HIVEP3: variants seen among roughly 807,000 people sequenced by gnomAD.
The protein encoded by HIVEP3 is transcription factor HIVEP3.
In HIVEP3, 49 loss-of-function variants were observed where a neutral mutation model predicts 152.8. That is an observed-to-expected ratio of 0.32 (90% CI 0.26 to 0.41). The LOEUF is 0.41. Among genes scored for constraint, HIVEP3 ranks in the 10% least tolerant of loss-of-function variants. HIVEP3 has a pLI of 1.00. For missense variants in HIVEP3, 2,790 were observed against 3,103.3 expected, an observed-to-expected ratio of 0.90 and a Z score of 2.40; for synonymous variants, 1,269 against 1,289.0, an observed-to-expected ratio of 0.98 and a Z score of 0.33.
At chr1:41,701,592 A>G (rs2124129261) in intron 1 of HIVEP3, among the ~76,000 whole-genome samples, 1 of 152,328 alleles carries the variant, frequency 6.6e-6, no homozygotes, top group South Asian at 2.1e-4. Context: ...GCAGGATGGC[A>G]GAATGTTTCT....
At chr1:41,745,097 C>T (rs974477203) in intron 1 of HIVEP3, among the ~76,000 whole-genome samples, 6 of 152,328 alleles carry the variant, frequency 3.9e-5, no homozygotes, top group African/African-American at 1.4e-4. Flanking sequence ...TCCTTTCCCT[C>T]AGTTTCTTCT....
rs1325602031 is a variant in HIVEP3 at position 41,580,115 on chromosome 1, A to G, written c.4683T>C (p.Asp1561=). ...VKKEDSKEQP[D]LPSLAPPSSL... ...AGCTCGGAGGTGCCAAGGAGGGGAG[A>G]TCAGGTTGTTCCTTGGAATCTTCTT... The change falls in exon 4 of 9, where the codon GAT becomes GAC. Residue 1561 remains aspartate (D), a synonymous_variant. Coordinates refer to ENST00000372583, the MANE Select transcript of HIVEP3 (RefSeq NM_024503.5). 1.9e-6 allele frequency: 3 copies of G among 1,614,128 alleles called. No individual in the cohort carries two copies. The East Asian group carries it at 6.7e-5, about 36-fold the overall frequency.
At position 41,510,303 on chromosome 1, in the gene HIVEP3, T is replaced by TTAA; in HGVS notation, c.*147_*148insTTA. The stretch of plus-strand genomic sequence containing the variant: ...GTAGAAAAAGGCACAGGTAACTGCA[T>TTAA]ACATGGGAAGGTACAACAGATGGGG... On this transcript the variant is annotated 3_prime_UTR_variant, in exon 9 of 9. Transcript: ENST00000372583. The TTAA allele has an allele frequency of 1.8e-6, 1 of 543,110 alleles. No homozygotes were observed. The highest frequency in any genetic ancestry group is 3.0e-6 in the Non-Finnish European group (1 of 338,632). The allele number at this position is 543,110 out of a possible 1,614,324, so 33.6% of individuals were successfully genotyped here. A position where few individuals can be genotyped will look rare whatever the true frequency, so the allele number is the denominator to read the frequency against.
At chr1:41,668,670 A>T (rs1255460474) in intron 2 of HIVEP3, among the ~76,000 whole-genome samples, 7 of 151,930 alleles carry the variant, frequency 4.6e-5, no homozygotes, top group African/African-American at 1.7e-4. Flanking sequence ...TCCCCTGTAA[A>T]TTCTCTTTGC....
rs569272583 is a variant in HIVEP3, at chr1:41,582,527, T to C, written c.2271A>G (p.Pro757=). ...AGGGCACTGATTTACTTGGTTCTGC[T>C]GGTGACTTGGTGGACTCCAGGGGAA... is the stretch of plus-strand genomic sequence containing the variant. The part of the protein sequence containing the change: ...RNLPLESTKS[P]AEPSKSVPSL... Residue 757 remains proline (P), a synonymous_variant, in exon 4 of 9, where the codon CCA becomes CCG. Transcript: ENST00000372583. This position sits in a 1 kb window ranked among gnomAD's most constrained non-coding sequence, Gnocchi z 4.7. The C allele has an allele frequency of 1.5e-5, 24 of 1,611,506 alleles. No homozygotes were observed. In the South Asian group the frequency reaches 2.6e-4, roughly 18 times the overall value.
chr1:41,691,335 GA>G (rs1255407948), intron 2 of HIVEP3, among the ~76,000 whole-genome samples: 1 of 152,084 alleles, frequency 6.6e-6, no homozygotes, highest in Non-Finnish European at 1.5e-5. Context: ...AAGAAGAAGA[GA>G]AAAAAATCCT....
At chr1:41,810,733 A>G (rs533925162) in intron 1 of HIVEP3, among the ~76,000 whole-genome samples, 41 of 152,342 alleles carry the variant, frequency 2.7e-4, no homozygotes, top group African/African-American at 8.7e-4. Context: ...GAGTTTATAT[A>G]TGGTTACAGT....
intron 1 of HIVEP3, among the ~76,000 whole-genome samples, chr1:41,955,584 C>T (rs967866094): frequency 2.0e-5 from 3 of 152,212 alleles, no homozygotes; most frequent in African/African-American, 7.2e-5. Context: ...AGGGCACATC[C>T]TGAAAGGGGA....
At chr1:42,029,805 T>G (rs1038697504) in intron 1 of HIVEP3, among the ~76,000 whole-genome samples, 17 of 152,316 alleles carry the variant, frequency 1.1e-4, no homozygotes, top group African/African-American at 3.8e-4. Flanking sequence ...CATTTTTGTA[T>G]GCATATTACA....
At position 41,882,020 on chromosome 1, in the gene HIVEP3, T is replaced by C. The variant is rs188801943; in HGVS notation, c.-801+36393A>G. ...ATCCTAAGGAAAGTCCATTTTCTCA[T>C]AGGGGCAGTCAGTATATTTTTATCT... On this transcript the variant is annotated intron_variant, in intron 1 of 8. Coordinates refer to ENST00000372583, the MANE Select transcript of HIVEP3 (RefSeq NM_024503.5). 6.7e-3 allele frequency among the ~76,000 whole-genome samples: 1,027 copies of C among 152,338 alleles called. 13 individuals are homozygous for C. The highest frequency in any genetic ancestry group is 0.024 in the African/African-American group (1,000 of 41,588).
At chr1:41,528,331 ACT>A (rs1300590535) in intron 5 of HIVEP3, among the ~76,000 whole-genome samples, 1 of 48,412 alleles carries the variant, frequency 2.1e-5, no homozygotes, top group African/African-American at 8.6e-5. Context: ...ACACCCCCAC[ACT>A]CACACTCGCC....
intron 1 of HIVEP3, among the ~76,000 whole-genome samples, chr1:41,840,696 C>T (rs545170334): frequency 5.9e-5 from 9 of 152,170 alleles, no homozygotes; most frequent in Non-Finnish European, 1.2e-4. Context: ...GGATATTAAC[C>T]CCTGGCCAGT....
intron 5 of HIVEP3, among the ~76,000 whole-genome samples, chr1:41,539,893 CT>C (rs1643486281): frequency 6.6e-6 from 1 of 152,180 alleles, no homozygotes; most frequent in African/African-American, 2.4e-5. Context: ...GTAGTAGGCA[CT>C]TTTTACAGAA....
chr1:41,919,704 G>A (rs554357632), upstream of HIVEP3, among the ~76,000 whole-genome samples: 17 of 152,260 alleles, frequency 1.1e-4, no homozygotes, highest in Admixed American at 6.5e-4. Flanking sequence ...GGTAGGGGGA[G>A]AGACAACCTC....
At chr1:41,804,825 T>G (rs1650506319) in intron 1 of HIVEP3, among the ~76,000 whole-genome samples, 1 of 152,200 alleles carries the variant, frequency 6.6e-6, no homozygotes, top group Admixed American at 6.5e-5. Context: ...CTAGATTGTT[T>G]TAGAGCATCT....
chr1:41,828,454 T>G (rs1475600912), intron 1 of HIVEP3, among the ~76,000 whole-genome samples: 2 of 152,266 alleles, frequency 1.3e-5, no homozygotes, highest in Non-Finnish European at 2.9e-5. Flanking sequence ...GCCTTTTGAC[T>G]GTTTCCAAAA....
At chr1:41,986,448 T>G (rs1340115285) in intron 1 of HIVEP3, among the ~76,000 whole-genome samples, 1 of 150,730 alleles carries the variant, frequency 6.6e-6, no homozygotes, top group Non-Finnish European at 1.5e-5. Context: ...CTTTTTTTTT[T>G]TTTTTTTTTT....
In HIVEP3 at chr1:41,509,882, G is replaced by A. The variant is rs140490301; in HGVS notation, c.*569C>T. 6 of 151,944 alleles carry A rather than the reference G, an allele frequency of 3.9e-5. No homozygotes were observed. Among genetic ancestry groups the A allele is most frequent in the African/African-American group, 1.4e-4 (6 of 41,428 alleles). The allele number at this position is 151,944 out of a possible 1,614,324, so 9.4% of individuals were successfully genotyped here. ...AGTTTTTCTGGGCCTGCCTGCTGGG[G>A]CCTGGGTGGGGGTCACCTGCCTGTG... On this transcript the variant is annotated 3_prime_UTR_variant, in exon 9 of 9. Coordinates refer to ENST00000372583, the MANE Select transcript of HIVEP3 (RefSeq NM_024503.5).
chr1:41,518,291 G>T, intron 7 of HIVEP3, 111 bp downstream of exon 7: 2 of 870,290 alleles, frequency 2.3e-6, no homozygotes, highest in South Asian at 1.3e-5. Context: ...GGAGGAGGGG[G>T]AATGGGGCAA....
Sources: gnomAD v4.1 joint callset for allele counts (sites outside exome capture counted in the v4.1 genomes callset) on GRCh38, gnomAD v4.1.1 for gene constraint, Gnocchi (gnomAD v3.1) non-coding constraint, MANE v1.5 for transcripts, NCBI Gene and HGNC (gene_info 2026-07-23, HGNC 2026-07-21) for gene names.